Variants in STAG1 observed in about 807,000 individuals in gnomAD.
The protein encoded by STAG1 is STAG1 cohesin complex component.
Under a neutral mutation model 170.9 loss-of-function variants are expected in STAG1, and 26 were observed. That is an observed-to-expected ratio of 0.15 (90% CI 0.11 to 0.21). The LOEUF is 0.21. STAG1 is among the 10% of genes least tolerant of loss of function. The pLI is 1.00. For synonymous variants in STAG1, 514 were observed against 497.7 expected (o/e 1.03, Z -0.44); for missense variants, 964 against 1,509.5 (o/e 0.64, Z 5.99).
intron 9 of STAG1, among the ~76,000 whole-genome samples, chr3:136,494,621 T>C (rs1932974924): frequency 6.6e-6 from 1 of 152,158 alleles, no homozygotes; most frequent in East Asian, 1.9e-4. Context: ...AAGGTTGGTA[T>C]AATATCTGAA....
At chr3:136,690,189 A>G (rs1942676806) in intron 1 of STAG1, among the ~76,000 whole-genome samples, 1 of 152,064 alleles carries the variant, frequency 6.6e-6, no homozygotes, top group Non-Finnish European at 1.5e-5. Context: ...TAAGTCTCGT[A>G]CAAGGGTCAA....
intron 23 of STAG1, among the ~76,000 whole-genome samples, chr3:136,370,569 T>A (rs982189241): frequency 1.3e-5 from 2 of 152,178 alleles, no homozygotes; most frequent in African/African-American, 2.4e-5. Flanking sequence ...GTCCATGTGT[T>A]CTCATTGTTC....
chr3:136,564,362 A>G (rs1183443271), intron 5 of STAG1, among the ~76,000 whole-genome samples: 1 of 152,280 alleles, frequency 6.6e-6, no homozygotes, highest in African/African-American at 2.4e-5. Context: ...ACAATGTAAC[A>G]GTGTCTGCTT....
intron 1 of STAG1, among the ~76,000 whole-genome samples, chr3:136,733,469 C>A (rs1027449138): frequency 6.6e-6 from 1 of 152,166 alleles, no homozygotes; most frequent in Non-Finnish European, 1.5e-5. Context: ...CAGCCCACAA[C>A]AGTGGAATAC....
At chr3:136,341,077 T>G (rs906893645) in intron 31 of STAG1, among the ~76,000 whole-genome samples, 2 of 152,030 alleles carry the variant, frequency 1.3e-5, no homozygotes, top group Admixed American at 1.3e-4. Flanking sequence ...CCCGGCTAAT[T>G]TTTTGTATTT....
intron 5 of STAG1, among the ~76,000 whole-genome samples, chr3:136,565,042 A>AGGCAGGC (rs1937011712): frequency 8.7e-5 from 1 of 11,478 alleles, no homozygotes; most frequent in Non-Finnish European, 1.4e-4. Context: ...AGGCAGGCAG[A>AGGCAGGC]AGGGAGGGAG....
intron 1 of STAG1, among the ~76,000 whole-genome samples, chr3:136,667,856 T>TA (rs1941843337): frequency 6.6e-6 from 1 of 152,114 alleles, no homozygotes; most frequent in Admixed American, 6.6e-5. Flanking sequence ...ACTTATTTTT[T>TA]AAAAACCACC....
intron 1 of STAG1, chr3:136,736,821 C>T: frequency 6.3e-7 from 1 of 1,584,276 alleles, no homozygotes; most frequent in Non-Finnish European, 8.6e-7. Context: ...GTAGGTTTTC[C>T]TTCCTTCTTT....
chr3:136,425,185 A>G (rs1380043988), intron 16 of STAG1, among the ~76,000 whole-genome samples: 1 of 152,152 alleles, frequency 6.6e-6, no homozygotes, highest in Non-Finnish European at 1.5e-5. Flanking sequence ...AGTACAAAAG[A>G]CTGTGCGTAG....
At chr3:136,399,490 T>G (rs1209761094) in intron 21 of STAG1, among the ~76,000 whole-genome samples, 1 of 152,246 alleles carries the variant, frequency 6.6e-6, no homozygotes, top group Non-Finnish European at 1.5e-5. Context: ...TCATACCATA[T>G]GTATTGAGTC....
At chr3:136,713,776 G>A (rs529962106) in intron 1 of STAG1, among the ~76,000 whole-genome samples, 8 of 151,708 alleles carry the variant, frequency 5.3e-5, no homozygotes, top group South Asian at 2.1e-4. Context: ...TAATCCCAGC[G>A]CTTTGGGAGG....
At chr3:136,711,689 T>C (rs895034374) in intron 1 of STAG1, among the ~76,000 whole-genome samples, 1 of 152,100 alleles carries the variant, frequency 6.6e-6, no homozygotes. Flanking sequence ...CCCAGACACA[T>C]AGCATGCATC....
At chr3:136,706,899 T>A (rs534314200) in intron 1 of STAG1, among the ~76,000 whole-genome samples, 178 of 152,280 alleles carry the variant, frequency 1.2e-3, no homozygotes, top group African/African-American at 3.9e-3. Context: ...AGTTCAAAAA[T>A]ACACTCTATG....
At chr3:136,561,143 A>G (rs1936822199) in intron 5 of STAG1, among the ~76,000 whole-genome samples, 1 of 152,168 alleles carries the variant, frequency 6.6e-6, no homozygotes, top group African/African-American at 2.4e-5. Context: ...TATATTAGAG[A>G]TAGCAGCCTT....
intron 1 of STAG1, among the ~76,000 whole-genome samples, chr3:136,649,925 G>A (rs924499535): frequency 1.3e-5 from 2 of 151,832 alleles, no homozygotes; most frequent in African/African-American, 4.8e-5. Context: ...ATGCCACCAA[G>A]CCTGGCTAAT....
intron 1 of STAG1, among the ~76,000 whole-genome samples, chr3:136,719,619 G>GTGGGTGGC (rs1933091212): frequency 7.3e-6 from 1 of 137,100 alleles, no homozygotes; most frequent in Admixed American, 7.5e-5. Context: ...GGGTGGGTAG[G>GTGGGTGGC]TGGGTGGCTG....
chr3:136,531,342 G>A (rs1369706018), intron 6 of STAG1, among the ~76,000 whole-genome samples: 1 of 150,942 alleles, frequency 6.6e-6, no homozygotes, highest in Non-Finnish European at 1.5e-5. Context: ...CATTGTGGAA[G>A]TCAGTGTGGC....
chr3:136,414,390 A>G (rs901867229), intron 21 of STAG1, among the ~76,000 whole-genome samples: 1 of 152,144 alleles, frequency 6.6e-6, no homozygotes, highest in African/African-American at 2.4e-5. Flanking sequence ...ACTAAATACC[A>G]TCTCTTTCAT....
chr3:136,684,280 T>C (rs1202872919), intron 1 of STAG1, among the ~76,000 whole-genome samples: 5 of 152,218 alleles, frequency 3.3e-5, no homozygotes, highest in African/African-American at 1.2e-4. Flanking sequence ...CTTCAAGATT[T>C]ACTATAAATC....
Sources: gnomAD v4.1 joint callset for allele counts (sites outside exome capture counted in the v4.1 genomes callset) on GRCh38, gnomAD v4.1.1 for gene constraint, MANE v1.5 for transcripts, NCBI Gene and HGNC (gene_info 2026-07-23, HGNC 2026-07-21) for gene names.